Variants in USP24 observed in about 807,000 individuals in gnomAD.
USP24 encodes ubiquitin carboxyl-terminal hydrolase 24.
USP24 carries 97 observed loss-of-function variants against 361.6 expected under a neutral mutation model. That is an observed-to-expected ratio of 0.27 (90% confidence interval 0.23 to 0.32). USP24 has a LOEUF of 0.32. Ranked by LOEUF, USP24 falls within the 10% of genes least tolerant of loss-of-function variation. USP24 has a pLI of 1.00. For missense variants in USP24, 2,353 were observed against 3,165.6 expected (o/e 0.74, Z 6.16); for synonymous variants, 1,098 against 1,124.6 (o/e 0.98, Z 0.47).
At chr1:55,077,325 A>G in intron 61 of USP24, 25 bp from the exon 62 acceptor site, 1 of 1,539,220 alleles carries the variant, frequency 6.5e-7, no homozygotes, top group Non-Finnish European at 8.8e-7. Flanking sequence ...AAAAGCATAA[A>G]AACTTCAGTG....
intron 1 of USP24, among the ~76,000 whole-genome samples, chr1:55,192,626 A>G (rs1422608602): frequency 6.6e-6 from 1 of 152,268 alleles, no homozygotes; most frequent in Non-Finnish European, 1.5e-5. Context: ...TCACTAATTT[A>G]TAATACCTTT....
intron 1 of USP24, among the ~76,000 whole-genome samples, chr1:55,186,417 G>A (rs959954255): frequency 2.6e-5 from 4 of 152,146 alleles, no homozygotes; most frequent in Non-Finnish European, 4.4e-5. Flanking sequence ...CAACTCTACT[G>A]GATACACACA....
chr1:55,134,823 A>G (rs1646689612), intron 28 of USP24, among the ~76,000 whole-genome samples: 1 of 152,240 alleles, frequency 6.6e-6, no homozygotes, highest in African/African-American at 2.4e-5. Flanking sequence ...ACATTCACAC[A>G]CAACAATAAA....
intron 38 of USP24, among the ~76,000 whole-genome samples, chr1:55,119,121 C>A (rs957489054): frequency 6.6e-6 from 1 of 152,242 alleles, no homozygotes; most frequent in East Asian, 1.9e-4. Flanking sequence ...ATTTGCATAC[C>A]CATGTTTGTA....
intron 38 of USP24, among the ~76,000 whole-genome samples, chr1:55,115,323 C>T (rs1646076343): frequency 6.6e-6 from 1 of 151,462 alleles, no homozygotes; most frequent in Non-Finnish European, 1.5e-5. Context: ...GGTGAAACCC[C>T]GTCTCTACTA....
intron 20 of USP24, among the ~76,000 whole-genome samples, chr1:55,144,959 C>T (rs113736330): frequency 0.11 from 16,893 of 151,922 alleles, 1,142 homozygotes; most frequent in Non-Finnish European, 0.16. Context: ...AAAAAACACC[C>T]ATTAAATTTT....
chr1:55,155,758 G>T (rs1647587957), intron 12 of USP24, among the ~76,000 whole-genome samples: 1 of 152,154 alleles, frequency 6.6e-6, no homozygotes, highest in African/African-American at 2.4e-5. Flanking sequence ...GCAGGATGAA[G>T]GATGAAGTAC....
At chr1:55,177,263 T>C (rs1235160423) in intron 2 of USP24, among the ~76,000 whole-genome samples, 2 of 152,230 alleles carry the variant, frequency 1.3e-5, no homozygotes, top group Non-Finnish European at 2.9e-5. Flanking sequence ...GCTAAGTTAA[T>C]GAATAAGTTC....
chr1:55,072,320 A>C lies in USP24; in HGVS notation c.7686T>G (p.Ala2562=). 6.2e-7 allele frequency: 1 copy of C among 1,613,410 alleles called. No individual in the cohort carries two copies. Among genetic ancestry groups the C allele is most frequent in the Non-Finnish European group, 8.5e-7 (1 of 1,179,638 alleles). The change falls in exon 66 of 68, where the codon GCT becomes GCG. Residue 2562 remains alanine, a synonymous_variant. Transcript: ENST00000294383. ...AAAAACAAGAGACAACTCTCACCTG[A>C]GCTGAAATGGTTCGCTGAAAGGTTT... ...TGKTFQRTIS[A]QDTLAYATAL...
At chr1:55,127,014 A>G (rs1487807954) in intron 32 of USP24, among the ~76,000 whole-genome samples, 1 of 152,108 alleles carries the variant, frequency 6.6e-6, no homozygotes, top group Non-Finnish European at 1.5e-5. Context: ...TAACCTATGA[A>G]GAGTCTTCCA....
chr1:55,125,342 G>C lies in USP24; in HGVS notation c.3938C>G (p.Pro1313Arg). 6.2e-7 allele frequency: 1 copy of C among 1,613,868 alleles called. No homozygotes were observed. Among genetic ancestry groups the C allele is most frequent in the Non-Finnish European group, 8.5e-7 (1 of 1,179,820 alleles). The change falls in exon 34 of 68, where the codon CCT (proline) becomes CGT (arginine). Residue 1313 changes from proline (P) to arginine (R), a missense_variant. Coordinates refer to ENST00000294383, the MANE Select transcript of USP24 (RefSeq NM_015306.3). ...TACTTGTATTGCAACTCGAGCAGCA[G>C]GGATGATTTCCTCAACCCTAATAGA... ...RSSIRVEEII[P>R]AARVAIQTME...
intron 39 of USP24, among the ~76,000 whole-genome samples, chr1:55,109,830 C>A (rs1161566972): frequency 6.6e-6 from 1 of 152,164 alleles, no homozygotes; most frequent in East Asian, 1.9e-4. Context: ...TATCAACATG[C>A]CGCAACAAAG....
chr1:55,087,290 T>G lies in USP24; in HGVS notation c.6669-1252A>C, dbSNP rs748231211. Among the ~76,000 whole-genome samples the G allele has an allele frequency of 9.6e-4, 146 of 152,164 alleles. 3 individuals are homozygous for G. Among genetic ancestry groups the G allele is most frequent in the Non-Finnish European group, 3.5e-4 (24 of 68,036 alleles). ...AAGAAACAAACTATAATAAACTCCA[T>G]CAGGAAGAATGTAGAAGTAATTCAC... On this transcript the variant is annotated intron_variant, in intron 55 of 67. Coordinates refer to ENST00000294383, the MANE Select transcript of USP24 (RefSeq NM_015306.3).
At chr1:55,151,853 G>C in intron 16 of USP24, 1 of 962,860 alleles carries the variant, frequency 1.0e-6, no homozygotes, top group Non-Finnish European at 1.2e-6. Flanking sequence ...GTAATCAGTT[G>C]GGGGAATAGA....
chr1:55,126,269 G>C (rs1380701552), intron 32 of USP24, among the ~76,000 whole-genome samples: 1 of 152,232 alleles, frequency 6.6e-6, no homozygotes, highest in Non-Finnish European at 1.5e-5. Context: ...ACGCATGGGT[G>C]TGCGCTGGCT....
At chr1:55,167,085 A>G (rs980661225) in intron 5 of USP24, among the ~76,000 whole-genome samples, 6 of 152,146 alleles carry the variant, frequency 3.9e-5, no homozygotes, top group Admixed American at 6.6e-5. Context: ...GATACAGAAC[A>G]GTGACTACGA....
At position 55,097,060 on chromosome 1, in the gene USP24, G is replaced by T. The variant is rs1200928432; in HGVS notation, c.5828C>A (p.Ser1943Tyr). 4 of 1,613,496 alleles carry T rather than the reference G, an allele frequency of 2.5e-6. No individual in the cohort carries two copies. Among genetic ancestry groups the T allele is most frequent in the Non-Finnish European group, 3.4e-6 (4 of 1,179,800 alleles). ...GRSVDQGGGG[S>Y]PRKKVALTEN... is the part of the protein sequence containing the mutation. ...TGTGAGGGCAACCTTTTTTCGTGGG[G>T]ATCCTCCACCGCCCTGATCCACACT... is the stretch of plus-strand genomic sequence containing the variant. Residue 1943 changes from serine (S) to tyrosine (Y), a missense_variant, in exon 49 of 68, where the codon TCC becomes TAC. This residue lies in a region of USP24 where 598 missense variants were observed against 761.9 expected (regional missense o/e 0.78). Coordinates refer to ENST00000294383, the MANE Select transcript of USP24 (RefSeq NM_015306.3).
At chr1:55,083,218 C>A in intron 58 of USP24, 54 bp downstream of exon 58, 1 of 1,551,568 alleles carries the variant, frequency 6.4e-7, no homozygotes. Context: ...AAAAGAAACA[C>A]AGCGGCTATG....
chr1:55,205,723 GT>G (rs1441288351), intron 1 of USP24, among the ~76,000 whole-genome samples: 1 of 151,980 alleles, frequency 6.6e-6, no homozygotes, highest in Non-Finnish European at 1.5e-5. Context: ...ACACAGTTTG[GT>G]TTGCTTTTAG....
Sources: allele counts gnomAD v4.1 joint callset (sites outside exome capture counted in the v4.1 genomes callset), GRCh38; gene constraint gnomAD v4.1.1; regional missense constraint gnomAD v4.1.1; transcripts MANE v1.5; gene names NCBI Gene and HGNC (gene_info 2026-07-23, HGNC 2026-07-21).